The following PRKCH variants were observed in gnomAD, a reference collection of about 807,000 sequenced individuals.
PRKCH encodes protein kinase C eta type.
A neutral mutation model predicts 82.5 loss-of-function variants in PRKCH; 28 were observed. The observed-to-expected ratio is 0.34, with a 90% CI of 0.25 to 0.47. The LOEUF (loss-of-function observed/expected upper bound fraction) is 0.47. Ranked by LOEUF, PRKCH falls within the 20% of genes least tolerant of loss-of-function variation. The pLI is 1.00. For missense variants in PRKCH, 705 were observed against 881.8 expected (o/e 0.80, Z 2.54); for synonymous variants, 322 against 327.4 (o/e 0.98, Z 0.18).
At chr14:61,542,182 C>T (rs1316095428) in intron 12 of PRKCH, among the ~76,000 whole-genome samples, 2 of 151,696 alleles carry the variant, frequency 1.3e-5, no homozygotes, top group African/African-American at 2.4e-5. Context: ...CCCAGCTACT[C>T]GGGAGGCTGA....
upstream of PRKCH, among the ~76,000 whole-genome samples, chr14:61,317,421 C>T (rs558824564): frequency 6.6e-5 from 10 of 152,320 alleles, no homozygotes; most frequent in East Asian, 1.4e-3. Flanking sequence ...GCCAACTCCA[C>T]ATGCCATTCT....
At chr14:61,434,867 G>T (rs918494954) in intron 2 of PRKCH, among the ~76,000 whole-genome samples, 2 of 152,074 alleles carry the variant, frequency 1.3e-5, no homozygotes, top group Admixed American at 1.3e-4. Flanking sequence ...CTTTTTAAAA[G>T]ATTTTTTAAA....
intron 6 of PRKCH, among the ~76,000 whole-genome samples, chr14:61,451,884 G>A (rs1443905678): frequency 1.3e-5 from 2 of 152,142 alleles, no homozygotes; most frequent in African/African-American, 4.8e-5. Flanking sequence ...CTTTAAGAAG[G>A]GCACATTCTT....
intron 10 of PRKCH, among the ~76,000 whole-genome samples, chr14:61,509,827 A>T (rs1448406277): frequency 1.3e-5 from 2 of 152,174 alleles, no homozygotes; most frequent in Non-Finnish European, 2.9e-5. Context: ...AGGCAGGAGG[A>T]TCACTTGAAT....
At chr14:61,497,645 AC>A (rs1886728783) in intron 10 of PRKCH, among the ~76,000 whole-genome samples, 1 of 152,068 alleles carries the variant, frequency 6.6e-6, no homozygotes, top group African/African-American at 2.4e-5. Context: ...GTCCCCAAAC[AC>A]CCCCATAGGC....
At chr14:61,342,737 C>A (rs890117489) in intron 1 of PRKCH, among the ~76,000 whole-genome samples, 3 of 152,204 alleles carry the variant, frequency 2.0e-5, no homozygotes, top group African/African-American at 7.2e-5. Context: ...TCTCTTGCTG[C>A]AAATTTTCCA....
intron 9 of PRKCH, among the ~76,000 whole-genome samples, chr14:61,478,270 T>A (rs1174464401): frequency 6.6e-6 from 1 of 152,136 alleles, no homozygotes; most frequent in Non-Finnish European, 1.5e-5. Flanking sequence ...GTGAGTTTTG[T>A]GAGAGAGAAG....
At chr14:61,207,516 GT>G (rs2044536423) in intron 1 of PRKCH, among the ~76,000 whole-genome samples, 1 of 152,124 alleles carries the variant, frequency 6.6e-6, no homozygotes, top group Non-Finnish European at 1.5e-5. Flanking sequence ...CTTAGCTGCA[GT>G]TTTTTATTTT....
chr14:61,437,002 A>G (rs759148394), intron 2 of PRKCH, among the ~76,000 whole-genome samples: 1 of 151,612 alleles, frequency 6.6e-6, no homozygotes, highest in Non-Finnish European at 1.5e-5. Context: ...TATATCTGCA[A>G]CTCCTGTGAT....
At chr14:61,231,431 C>T (rs1454865468) in intron 1 of PRKCH, among the ~76,000 whole-genome samples, 4 of 148,904 alleles carry the variant, frequency 2.7e-5, no homozygotes, top group South Asian at 2.1e-4. Context: ...GGCGCGATCT[C>T]GGCTCACTGC....
At chr14:61,503,001 CTTTTTTT>C (rs34050696) in intron 10 of PRKCH, among the ~76,000 whole-genome samples, 1 of 80,336 alleles carries the variant, frequency 1.2e-5, no homozygotes, top group African/African-American at 4.0e-5. Context: ...GGGAAGCAGG[CTTTTTTT>C]TTTTTTTTTT....
intron 9 of PRKCH, among the ~76,000 whole-genome samples, chr14:61,468,373 T>G (rs1443024766): frequency 6.6e-6 from 1 of 152,212 alleles, no homozygotes; most frequent in Non-Finnish European, 1.5e-5. Flanking sequence ...TTTATTTCCA[T>G]AGTAAGACAG....
At chr14:61,381,895 C>T (rs930482995) in intron 1 of PRKCH, among the ~76,000 whole-genome samples, 3 of 152,222 alleles carry the variant, frequency 2.0e-5, no homozygotes, top group Non-Finnish European at 4.4e-5. Flanking sequence ...GCAGTCAGAG[C>T]AGCCTCAAGG....
intron 2 of PRKCH, among the ~76,000 whole-genome samples, chr14:61,392,307 G>A (rs1337672013): frequency 3.3e-5 from 5 of 152,082 alleles, no homozygotes; most frequent in African/African-American, 1.2e-4. Context: ...AATAAAGTAG[G>A]TGTGTGTGTA....
chr14:61,341,070 G>C (rs1380560779), intron 1 of PRKCH, among the ~76,000 whole-genome samples: 3 of 152,130 alleles, frequency 2.0e-5, no homozygotes, highest in Non-Finnish European at 2.9e-5. Context: ...TCCATAAACT[G>C]CCTGGATGAG....
At chr14:61,428,068 TAG>T (rs1883205053) in intron 2 of PRKCH, among the ~76,000 whole-genome samples, 2 of 76,556 alleles carry the variant, frequency 2.6e-5, no homozygotes, top group African/African-American at 8.4e-5. Context: ...GATAGATAGA[TAG>T]ATAGATACAC....
At chr14:61,392,978 G>C (rs1249527654) in intron 2 of PRKCH, among the ~76,000 whole-genome samples, 1 of 151,792 alleles carries the variant, frequency 6.6e-6, no homozygotes, top group Non-Finnish European at 1.5e-5. Context: ...AGTTGTTCTA[G>C]CACCATTTAT....
chr14:61,438,144 AG>A (rs1330516527), intron 2 of PRKCH, among the ~76,000 whole-genome samples: 1 of 152,128 alleles, frequency 6.6e-6, no homozygotes, highest in Non-Finnish European at 1.5e-5. Flanking sequence ...CAACTTGCCC[AG>A]GGCCACCGAG....
At chr14:61,189,186 C>G (rs189554600) in intron 1 of PRKCH, among the ~76,000 whole-genome samples, 204 of 152,354 alleles carry the variant, frequency 1.3e-3, no homozygotes, top group African/African-American at 4.8e-3. Flanking sequence ...TCCGCGCTCC[C>G]TACAGGGGGA....
Sources: allele counts gnomAD v4.1 joint callset (sites outside exome capture counted in the v4.1 genomes callset), GRCh38; gene constraint gnomAD v4.1.1; transcripts MANE v1.5; gene names NCBI Gene and HGNC (gene_info 2026-07-23, HGNC 2026-07-21).